TMEM132D: variants seen among roughly 807,000 people sequenced by gnomAD.
TMEM132D encodes transmembrane protein 132D.
A neutral mutation model predicts 62.3 loss-of-function variants in TMEM132D; 21 were observed. That is an observed-to-expected ratio of 0.34 (90% CI 0.24 to 0.49). The LOEUF (loss-of-function observed/expected upper bound fraction) is 0.49, where lower values mean the gene tolerates loss of function less well. Among genes scored for constraint, TMEM132D ranks in the 20% least tolerant of loss-of-function variants. The pLI is 0.99. For missense variants in TMEM132D, 1,346 were observed against 1,402.8 expected, an observed-to-expected ratio of 0.96 and a Z score of 0.65; for synonymous variants, 621 against 575.6, an observed-to-expected ratio of 1.08 and a Z score of -1.13.
chr12:129,161,672 C>T (rs779862716), intron 5 of TMEM132D, among the ~76,000 whole-genome samples: 28 of 152,324 alleles, frequency 1.8e-4, no homozygotes, highest in Non-Finnish European at 3.4e-4. Flanking sequence ...AATTGTTACC[C>T]AACTCGTGCC....
chr12:129,710,912 G>T (rs1881625982), intron 1 of TMEM132D, among the ~76,000 whole-genome samples: 1 of 150,854 alleles, frequency 6.6e-6, no homozygotes, highest in South Asian at 2.1e-4. Context: ...CAGTGCGCAC[G>T]CTGCCTCTCC....
At chr12:129,466,279 C>CTTTT (rs551019541) in intron 3 of TMEM132D, among the ~76,000 whole-genome samples, 4 of 100,386 alleles carry the variant, frequency 4.0e-5, no homozygotes, top group African/African-American at 1.5e-4. Context: ...TAGATTTTTC[C>CTTTT]TTTTTTTTTT....
At chr12:129,900,153 C>T (rs1388233105) in intron 1 of TMEM132D, among the ~76,000 whole-genome samples, 1 of 152,198 alleles carries the variant, frequency 6.6e-6, no homozygotes, top group East Asian at 1.9e-4. Context: ...CTCTAAGATT[C>T]TCTGATCCCT....
chr12:129,437,838 C>T (rs1872828185), intron 3 of TMEM132D, among the ~76,000 whole-genome samples: 1 of 151,390 alleles, frequency 6.6e-6, no homozygotes, highest in Admixed American at 6.6e-5. Flanking sequence ...TTGCTGCACC[C>T]ATCAACCCGT....
intron 4 of TMEM132D, among the ~76,000 whole-genome samples, chr12:129,254,858 C>G (rs1880360811): frequency 6.6e-6 from 1 of 152,122 alleles, no homozygotes; most frequent in Non-Finnish European, 1.5e-5. Context: ...TCACCCTAGG[C>G]TGTCCATATG....
intron 3 of TMEM132D, among the ~76,000 whole-genome samples, chr12:129,383,012 C>T (rs923237137): frequency 6.6e-6 from 1 of 152,126 alleles, no homozygotes; most frequent in Non-Finnish European, 1.5e-5. Context: ...CATTGGGTCG[C>T]TAGGCTGCTT....
In TMEM132D at chr12:129,901,514, T is replaced by C. The variant is rs1284994654; in HGVS notation, c.79+1747A>G. 2.6e-5 allele frequency among the ~76,000 whole-genome samples: 4 copies of C among 152,224 alleles called. No homozygotes were observed. In the East Asian group the frequency reaches 7.7e-4, roughly 29 times the overall value. ...CTTTTGAACTGTCTGGCTGACTTGC[T>C]TAAGTTCAATACACAAAATATGTCA... On this transcript the variant is annotated intron_variant, in intron 1 of 8. Transcript: ENST00000422113.
chr12:129,595,463 C>A (rs1878310417), intron 2 of TMEM132D, among the ~76,000 whole-genome samples: 2 of 152,180 alleles, frequency 1.3e-5, no homozygotes, highest in South Asian at 4.1e-4. Flanking sequence ...TGGACCTGAT[C>A]CTTTACACCT....
At chr12:129,725,959 A>G (rs547377302) in intron 1 of TMEM132D, among the ~76,000 whole-genome samples, 2 of 152,332 alleles carry the variant, frequency 1.3e-5, no homozygotes, top group Middle Eastern at 6.8e-3. Flanking sequence ...AGGTCCAGAC[A>G]TACACTTGCC....
At chr12:129,204,979 G>C (rs1878803106) in intron 5 of TMEM132D, among the ~76,000 whole-genome samples, 1 of 152,156 alleles carries the variant, frequency 6.6e-6, no homozygotes, top group Non-Finnish European at 1.5e-5. Context: ...AGTGCTGAGA[G>C]AATTTGTTAC....
intron 5 of TMEM132D, among the ~76,000 whole-genome samples, chr12:129,183,798 C>G (rs1462050762): frequency 6.8e-6 from 1 of 146,180 alleles, no homozygotes; most frequent in East Asian, 1.9e-4. Flanking sequence ...AGTGGCTGTC[C>G]CCTTGGGTAG....
intron 5 of TMEM132D, among the ~76,000 whole-genome samples, chr12:129,121,883 G>T (rs1358934144): frequency 6.6e-6 from 1 of 152,174 alleles, no homozygotes. Flanking sequence ...AGCTAGACTG[G>T]ATATTGAGGG....
intron 1 of TMEM132D, among the ~76,000 whole-genome samples, chr12:129,793,321 T>TC (rs1422267673): frequency 6.6e-6 from 1 of 152,108 alleles, no homozygotes; most frequent in Admixed American, 6.5e-5. Flanking sequence ...GAGTTTTTTT[T>TC]CCCCATGAGA....
intron 2 of TMEM132D, among the ~76,000 whole-genome samples, chr12:129,582,061 C>A (rs1037395491): frequency 1.3e-5 from 2 of 152,138 alleles, no homozygotes; most frequent in African/African-American, 2.4e-5. Context: ...CTGTGCTATG[C>A]CAAAGAGAGT....
At chr12:129,810,664 T>A (rs145157299) in intron 1 of TMEM132D, among the ~76,000 whole-genome samples, 2 of 151,792 alleles carry the variant, frequency 1.3e-5, no homozygotes, top group East Asian at 3.9e-4. Flanking sequence ...GAAATAAAAG[T>A]TAAAAAAATC....
intron 3 of TMEM132D, among the ~76,000 whole-genome samples, chr12:129,462,623 A>G (rs1292557997): frequency 6.6e-6 from 1 of 152,228 alleles, no homozygotes; most frequent in Middle Eastern, 3.2e-3. Context: ...GGGGAGAAGT[A>G]TAACTACCCA....
At chr12:129,229,853 G>A (rs7955557) in intron 4 of TMEM132D, among the ~76,000 whole-genome samples, 4,928 of 152,258 alleles carry the variant, frequency 0.032, 259 homozygotes, top group African/African-American at 0.11. Context: ...TTGATTATCT[G>A]TGCTGATGAG....
intron 2 of TMEM132D, among the ~76,000 whole-genome samples, chr12:129,561,361 A>G (rs1877222289): frequency 6.6e-6 from 1 of 152,226 alleles, no homozygotes; most frequent in South Asian, 2.1e-4. Context: ...ACTGCTTTTC[A>G]CTTGGCAACA....
chr12:129,451,334 C>T (rs12809344), intron 3 of TMEM132D, among the ~76,000 whole-genome samples: 9,205 of 152,220 alleles, frequency 0.06, 296 homozygotes, highest in South Asian at 0.12. Context: ...GTAGATGAGT[C>T]GCTAAAGCCT....
Sources: gnomAD v4.1 joint callset for allele counts (sites outside exome capture counted in the v4.1 genomes callset) on GRCh38, gnomAD v4.1.1 for gene constraint, MANE v1.5 for transcripts, NCBI Gene and HGNC (gene_info 2026-07-23, HGNC 2026-07-21) for gene names.